The following CDH18 variants were observed in gnomAD, a reference collection of about 807,000 sequenced individuals.
The protein encoded by CDH18 is cadherin-18.
Under a neutral mutation model 67.9 loss-of-function variants are expected in CDH18, and 31 were observed. That is an observed-to-expected ratio of 0.46 (90% confidence interval 0.34 to 0.62). The LOEUF is 0.62. Ranked by LOEUF, CDH18 falls within the 20% of genes least tolerant of loss-of-function variation. The pLI is 0.01. For missense variants in CDH18, 890 were observed against 975.5 expected (o/e 0.91, Z 1.17); for synonymous variants, 362 against 347.2 (o/e 1.04, Z -0.48).
chr5:20,268,892 A>G (rs965064272), intron 1 of CDH18, among the ~76,000 whole-genome samples: 4 of 152,166 alleles, frequency 2.6e-5, no homozygotes, highest in Non-Finnish European at 5.9e-5. Context: ...GTTAAACTAA[A>G]ATGCTTCTGC....
chr5:20,537,257 T>A (rs1393304664), intron 1 of CDH18, among the ~76,000 whole-genome samples: 4 of 152,168 alleles, frequency 2.6e-5, no homozygotes, highest in Non-Finnish European at 5.9e-5. Context: ...AAATAGTATA[T>A]GTTTCCAAAA....
intron 1 of CDH18, among the ~76,000 whole-genome samples, chr5:20,548,880 C>G (rs1757486448): frequency 6.6e-6 from 1 of 152,026 alleles, no homozygotes; most frequent in Non-Finnish European, 1.5e-5. Flanking sequence ...CTTAAGTGTA[C>G]TGGTGAAAGA....
chr5:20,416,615 G>T (rs2150152044), intron 1 of CDH18, among the ~76,000 whole-genome samples: 1 of 152,136 alleles, frequency 6.6e-6, no homozygotes, highest in Admixed American at 6.5e-5. Context: ...ACAGACTTTG[G>T]TAATATTTTT....
rs199599355 is a variant in CDH18, at chr5:20,356,719, GTCTCTCTCTC to G, written c.-579-101224_-579-101215del. Among the ~76,000 whole-genome samples, 263 of 130,002 alleles carry G rather than the reference GTCTCTCTCTC, an allele frequency of 2.0e-3. 1 individual carries two copies. The highest frequency in any genetic ancestry group is 7.8e-3 in the East Asian group (33 of 4,246). 85.3% of individuals were successfully genotyped at this position (130,002 alleles called of 152,430 possible). On this transcript the variant is annotated intron_variant, in intron 1 of 14. Transcript: ENST00000507958. ...TACCTAGATATGGATATATACCAAGGTCTCTCTCTCTCTCTCTCTCTCTCTCTCTCTCTCT... is the reference window on the plus strand; with the variant it reads ...TACCTAGATATGGATATATACCAAGGTCTCTCTCTCTCTCTCTCTCTCTCT...
intron 2 of CDH18, among the ~76,000 whole-genome samples, chr5:20,061,543 G>A (rs919823206): frequency 6.6e-6 from 1 of 152,076 alleles, no homozygotes; most frequent in East Asian, 1.9e-4. Context: ...TGATGTACAT[G>A]CAGTAAAATA....
chr5:20,407,700 A>G lies in CDH18; in HGVS notation c.-579-152195T>C, dbSNP rs974638844. On this transcript the variant is annotated intron_variant, in intron 1 of 14. Coordinates refer to the CDH18 transcript ENST00000507958. ...AAATGCAGGTTGCTTTGAATATCAC[A>G]GTCAGAAAAGAAAAAAAAATAATTT... Among the ~76,000 whole-genome samples, 4 of 146,716 alleles carry G rather than the reference A, an allele frequency of 2.7e-5. No homozygotes were observed. In the East Asian group the frequency reaches 7.8e-4, roughly 29 times the overall value.
chr5:20,483,816 A>G (rs1752987755), intron 1 of CDH18, among the ~76,000 whole-genome samples: 1 of 152,084 alleles, frequency 6.6e-6, no homozygotes, highest in African/African-American at 2.4e-5. Context: ...AAGACCTCAA[A>G]CTATGAAACT....
intron 1 of CDH18, among the ~76,000 whole-genome samples, chr5:20,312,053 T>A (rs535956043): frequency 1.3e-5 from 2 of 152,152 alleles, no homozygotes; most frequent in Non-Finnish European, 2.9e-5. Context: ...TCAATGAGTT[T>A]TGAGTGGATG....
At chr5:20,236,157 C>A (rs575663583) in intron 2 of CDH18, among the ~76,000 whole-genome samples, 35 of 151,886 alleles carry the variant, frequency 2.3e-4, no homozygotes, top group African/African-American at 8.2e-4. Flanking sequence ...ATTATTTGTA[C>A]TCCAAACCTC....
intron 1 of CDH18, among the ~76,000 whole-genome samples, chr5:20,467,285 A>G (rs895663752): frequency 3.3e-5 from 5 of 151,930 alleles, no homozygotes; most frequent in Admixed American, 6.6e-5. Context: ...AATGTCATTA[A>G]TTTTAATATA....
chr5:19,962,956 T>C (rs1797069566), intron 2 of CDH18, among the ~76,000 whole-genome samples: 1 of 152,130 alleles, frequency 6.6e-6, no homozygotes, highest in African/African-American at 2.4e-5. Flanking sequence ...ATTGACACTA[T>C]AGCCTGACAA....
At chr5:19,921,767 ACTTG>A (rs2150170560) in intron 2 of CDH18, among the ~76,000 whole-genome samples, 1 of 152,294 alleles carries the variant, frequency 6.6e-6, no homozygotes, top group South Asian at 2.1e-4. Flanking sequence ...CATATTTTTC[ACTTG>A]ATAAATTAGT....
intron 5 of CDH18, among the ~76,000 whole-genome samples, chr5:19,623,982 CATT>C (rs70950078): frequency 0.084 from 11,796 of 139,734 alleles, 605 homozygotes; most frequent in African/African-American, 0.14. Context: ...TGTCACACTC[CATT>C]ATTATTATTA....
At position 19,875,395 on chromosome 5, in the gene CDH18, TATAGATAGATAG is replaced by T. The variant is rs56837232; in HGVS notation, c.-256-36165_-256-36154del. ...AATATTCTTCTATTTCTTCCATGGG[TATAGATAGATAG>T]ATAGATAGATAGATAGATAGATAGA... On this transcript the variant is annotated intron_variant, in intron 2 of 12. Coordinates refer to ENST00000382275, the MANE Select transcript of CDH18 (RefSeq NM_004934.5). 1.6e-3 allele frequency among the ~76,000 whole-genome samples: 236 copies of T among 147,734 alleles called. 1 individual carries two copies. In the South Asian group the frequency reaches 0.017, roughly 11 times the overall value.
rs1781970441 is a variant in CDH18, at chr5:19,838,903, G to A, written c.84C>T (p.His28=). The part of the protein sequence containing the change: ...FVQRCYGTAH[H]SSIKVMRNQT... ...GGTTTCTCATCACCTTGATGGAGCT[G>A]TGGTGAGCAGTTCCATAACACCTCT... The change falls in exon 3 of 13, where the codon CAC becomes CAT. Residue 28 remains histidine, a synonymous_variant. Coordinates refer to ENST00000382275, the MANE Select transcript of CDH18 (RefSeq NM_004934.5). The A allele has an allele frequency of 6.2e-7, 1 of 1,614,102 alleles. No homozygotes were observed.
At chr5:20,172,524 C>T (rs1489254322) in intron 2 of CDH18, among the ~76,000 whole-genome samples, 2 of 151,582 alleles carry the variant, frequency 1.3e-5, no homozygotes, top group African/African-American at 2.4e-5. Context: ...TAAAGTGTGA[C>T]TTATGAGGCC....
At chr5:20,476,082 C>T (rs1229768627) in intron 1 of CDH18, among the ~76,000 whole-genome samples, 75 of 151,566 alleles carry the variant, frequency 4.9e-4, no homozygotes, top group South Asian at 2.1e-4. Context: ...GAAAAATTCT[C>T]AGCTTGCTTT....
chr5:19,816,031 A>G (rs1161124240), intron 3 of CDH18, among the ~76,000 whole-genome samples: 3 of 151,938 alleles, frequency 2.0e-5, no homozygotes, highest in Non-Finnish European at 2.9e-5. Flanking sequence ...TACACCATAA[A>G]TACAGTGAAG....
intron 1 of CDH18, among the ~76,000 whole-genome samples, chr5:20,493,533 A>G (rs1753719597): frequency 6.6e-6 from 1 of 152,036 alleles, no homozygotes; most frequent in African/African-American, 2.4e-5. Context: ...CATAAGGCAG[A>G]CCCCAAGGCA....
Sources: allele counts gnomAD v4.1 joint callset (sites outside exome capture counted in the v4.1 genomes callset), GRCh38; gene constraint gnomAD v4.1.1; transcripts MANE v1.5; gene names NCBI Gene and HGNC (gene_info 2026-07-23, HGNC 2026-07-21).